ITGB3BP: variants seen among roughly 807,000 people sequenced by gnomAD.
ITGB3BP encodes the protein centromere protein R.
ITGB3BP carries 27 observed loss-of-function variants against 29.1 expected under a neutral mutation model. The observed-to-expected ratio is 0.93, with a 90% CI of 0.68 to 1.28. The LOEUF (loss-of-function observed/expected upper bound fraction) is 1.28. Among genes scored for constraint, ITGB3BP ranks in the 50% most tolerant of loss-of-function variants. The pLI is 0.00. For synonymous variants in ITGB3BP, 61 were observed against 61.4 expected (o/e 0.99, Z 0.03); for missense variants, 192 against 200.2 (o/e 0.96, Z 0.25).
chr1:63,519,431 T>A (rs754624625), intron 1 of ITGB3BP, among the ~76,000 whole-genome samples: 2 of 152,086 alleles, frequency 1.3e-5, no homozygotes, highest in African/African-American at 2.4e-5. Context: ...GTCAAAAAAT[T>A]CTAAGTTAAA....
Position 63,523,199 on chromosome 1 carries a change from A to T in ITGB3BP, c.-66T>A. 1 of 1,610,394 alleles carries T rather than the reference A, an allele frequency of 6.2e-7. No homozygotes were observed. Among genetic ancestry groups the T allele is most frequent in the Non-Finnish European group, 8.5e-7 (1 of 1,178,026 alleles). On this transcript the variant is annotated 5_prime_UTR_variant, in exon 1 of 9. Transcript: ENST00000271002. ...AACCCAGCAACTTCCGAAAACAGAA[A>T]ATCCGCCAAAGGAAACGCCAAGGCA...
intron 4 of ITGB3BP, among the ~76,000 whole-genome samples, chr1:63,460,581 A>G (rs1340027586): frequency 1.3e-5 from 2 of 152,114 alleles, no homozygotes; most frequent in African/African-American, 4.8e-5. Context: ...TCTTTTGGTT[A>G]TTGTGAATAA....
At chr1:63,522,359 T>C (rs888125250) in intron 1 of ITGB3BP, among the ~76,000 whole-genome samples, 3 of 152,182 alleles carry the variant, frequency 2.0e-5, no homozygotes, top group Non-Finnish European at 4.4e-5. Context: ...AGGAACAGGT[T>C]ACACTAGAGG....
intron 2 of ITGB3BP, among the ~76,000 whole-genome samples, chr1:63,500,304 G>T (rs755471119): frequency 6.6e-6 from 1 of 152,182 alleles, no homozygotes; most frequent in Non-Finnish European, 1.5e-5. Context: ...CTTGAACCCA[G>T]GAGGCGGAGG....
chr1:63,486,725 G>A (rs2100658832), intron 3 of ITGB3BP, among the ~76,000 whole-genome samples: 1 of 152,052 alleles, frequency 6.6e-6, no homozygotes. Context: ...CATCACTAGT[G>A]GCACTTTATG....
chr1:63,494,931 T>TA, intron 2 of ITGB3BP, among the ~76,000 whole-genome samples: 1 of 152,072 alleles, frequency 6.6e-6, no homozygotes, highest in Non-Finnish European at 1.5e-5. Flanking sequence ...CCCACCTGAG[T>TA]AGCTGAGGCT....
intron 1 of ITGB3BP, among the ~76,000 whole-genome samples, chr1:63,515,465 C>G (rs146107526): frequency 1.5e-3 from 227 of 152,162 alleles, no homozygotes; most frequent in African/African-American, 5.3e-3. Context: ...AGTCACTTGC[C>G]TTTCCATACA....
rs760457349 is a variant in ITGB3BP at position 63,490,108 on chromosome 1, T to C, written c.159A>G (p.Gln53=). The C allele has an allele frequency of 4.3e-6, 7 of 1,611,572 alleles. No individual in the cohort carries two copies. Among genetic ancestry groups the C allele is most frequent in the South Asian group, 1.1e-5 (1 of 90,518 alleles). The stretch of plus-strand genomic sequence containing the variant: ...CATTTGATAGTCCATTTCTGTGCTT[T>C]TGCTCTTCAGAACTTGTGGGAGAAG... The part of the protein sequence containing the change: ...LFASPTSSEE[Q]KHRNGLSNEK... The change falls in exon 3 of 9, where the codon CAA becomes CAG. Residue 53 remains glutamine (Q), a synonymous_variant. Coordinates refer to ENST00000271002, the MANE Select transcript of ITGB3BP (RefSeq NM_014288.5).
chr1:63,483,088 A>G (rs1645468927), intron 3 of ITGB3BP, among the ~76,000 whole-genome samples: 2 of 152,190 alleles, frequency 1.3e-5, no homozygotes, highest in South Asian at 4.1e-4. Context: ...TCACTTTTTA[A>G]TCTACTAAAA....
chr1:63,524,001 C>T (rs1302191676), upstream of ITGB3BP, among the ~76,000 whole-genome samples: 1 of 151,946 alleles, frequency 6.6e-6, no homozygotes, highest in African/African-American at 2.4e-5. Context: ...AGTCTCGGGC[C>T]GGAGTTTTAA....
chr1:63,514,744 G>A (rs567555512), intron 1 of ITGB3BP, among the ~76,000 whole-genome samples: 4 of 152,096 alleles, frequency 2.6e-5, no homozygotes, highest in Non-Finnish European at 5.9e-5. Flanking sequence ...TCAAGAGACT[G>A]AGACCATCCT....
In ITGB3BP at chr1:63,446,873, AG is replaced by A. The variant is rs111866553; in HGVS notation, c.485-18del. ...GACGTGATGCTATATGAAAGAAGAA[AG>A]GTTTTTTTTTTCAGAAAACAATTCA... On this transcript the variant is annotated intron_variant, in intron 7 of 8. Transcript: ENST00000271002. The A allele has an allele frequency of 2.8e-4, 444 of 1,568,816 alleles. 1 individual carries two copies. Among genetic ancestry groups the A allele is most frequent in the South Asian group, 1.5e-3 (128 of 88,056 alleles).
intron 4 of ITGB3BP, among the ~76,000 whole-genome samples, chr1:63,471,539 T>C (rs1645197450): frequency 6.6e-6 from 1 of 152,010 alleles, no homozygotes; most frequent in African/African-American, 2.4e-5. Context: ...GCATAAGCCG[T>C]CGTGCCCAGC....
At chr1:63,522,476 G>C (rs2100843056) in intron 1 of ITGB3BP, among the ~76,000 whole-genome samples, 1 of 152,144 alleles carries the variant, frequency 6.6e-6, no homozygotes, top group African/African-American at 2.4e-5. Flanking sequence ...GTTTCTATAG[G>C]GTAGCAACTA....
chr1:63,476,186 CAG>C (rs922388980), intron 4 of ITGB3BP, among the ~76,000 whole-genome samples: 2 of 150,488 alleles, frequency 1.3e-5, no homozygotes, highest in Non-Finnish European at 3.0e-5. Flanking sequence ...TTTTTTGAGA[CAG>C]AGTCTTGCTC....
At chr1:63,518,060 T>C (rs1479544114) in intron 1 of ITGB3BP, among the ~76,000 whole-genome samples, 3 of 152,176 alleles carry the variant, frequency 2.0e-5, no homozygotes, top group South Asian at 2.1e-4. Flanking sequence ...TGTTTTTCTG[T>C]GTGTGCTTTT....
At chr1:63,522,903 G>T (rs772349479) in intron 1 of ITGB3BP, 22 of 716,790 alleles carry the variant, frequency 3.1e-5, no homozygotes, top group Non-Finnish European at 5.1e-5. Context: ...TACGAAATCT[G>T]TCAAAAGCAT....
chr1:63,494,829 GTCTT>G (rs1326161994), intron 2 of ITGB3BP, among the ~76,000 whole-genome samples: 3 of 152,104 alleles, frequency 2.0e-5, no homozygotes, highest in African/African-American at 7.2e-5. Flanking sequence ...AAGAGACAAA[GTCTT>G]TCTCTGTCGC....
chr1:63,490,139 A>G lies in ITGB3BP; in HGVS notation c.128T>C (p.Leu43Pro). The G allele has an allele frequency of 1.2e-6, 2 of 1,609,132 alleles. No homozygotes were observed. Among genetic ancestry groups the G allele is most frequent in the Non-Finnish European group, 1.7e-6 (2 of 1,175,992 alleles). ...TTCAGAACTTGTGGGAGAAGCAAAT[A>G]GACTCATTTGACAAGTTCCAGTTGT... The part of the protein sequence containing the change: ...SPTTGTCQMS[L>P]FASPTSSEEQ... The change falls in exon 3 of 9, where the codon CTA becomes CCA. Residue 43 changes from leucine to proline, a missense_variant. Physicochemically the swap from Leu to Pro is moderately conservative, Grantham distance 98 (BLOSUM62 -3). Transcript: ENST00000271002.
Sources: gnomAD v4.1 joint callset for allele counts (sites outside exome capture counted in the v4.1 genomes callset) on GRCh38, gnomAD v4.1.1 for gene constraint, MANE v1.5 for transcripts, NCBI Gene and HGNC (gene_info 2026-07-23, HGNC 2026-07-21) for gene names.